The following GPC5 variants were observed in gnomAD, a reference collection of about 807,000 sequenced individuals.
The protein encoded by GPC5 is glypican-5.
Under a neutral mutation model 53.9 loss-of-function variants are expected in GPC5, and 47 were observed. The observed-to-expected ratio is 0.87, with a 90% CI of 0.69 to 1.11. GPC5 has a LOEUF of 1.11. Among genes scored for constraint, GPC5 ranks in the 50% most tolerant of loss-of-function variants. The pLI is 0.00. For missense variants in GPC5, 748 were observed against 713.1 expected (o/e 1.05, Z -0.56); for synonymous variants, 286 against 263.3 (o/e 1.09, Z -0.84).
intron 7 of GPC5, among the ~76,000 whole-genome samples, chr13:92,401,492 A>G (rs12877337): frequency 0.32 from 49,021 of 151,960 alleles, 8,256 homozygotes; most frequent in Non-Finnish European, 0.36. Flanking sequence ...TAATTATTTC[A>G]TGGATAACAA....
intron 6 of GPC5, among the ~76,000 whole-genome samples, chr13:92,126,330 A>G (rs774678997): frequency 3.9e-5 from 6 of 152,194 alleles, no homozygotes; most frequent in Non-Finnish European, 7.3e-5. Context: ...CAACTGGAAA[A>G]TTTCTATCAA....
At chr13:92,699,560 C>T (rs1887662930) in intron 7 of GPC5, among the ~76,000 whole-genome samples, 1 of 152,088 alleles carries the variant, frequency 6.6e-6, no homozygotes, top group East Asian at 1.9e-4. Context: ...CTCTTGTGGG[C>T]ATTTAGTACT....
chr13:91,417,309 T>G (rs2138968839), intron 1 of GPC5, among the ~76,000 whole-genome samples: 1 of 152,174 alleles, frequency 6.6e-6, no homozygotes, highest in African/African-American at 2.4e-5. Context: ...AGAAAAAGAT[T>G]TAGAGATCAT....
intron 6 of GPC5, among the ~76,000 whole-genome samples, chr13:92,029,530 C>T (rs1354916717): frequency 6.6e-6 from 1 of 152,204 alleles, no homozygotes; most frequent in Non-Finnish European, 1.5e-5. Flanking sequence ...ATCTGAACCA[C>T]TTTCTGGGCT....
intron 6 of GPC5, among the ~76,000 whole-genome samples, chr13:92,051,659 T>A (rs1438487932): frequency 6.6e-6 from 1 of 152,196 alleles, no homozygotes; most frequent in African/African-American, 2.4e-5. Flanking sequence ...CTTCAGCTGT[T>A]TAGGCTGATA....
chr13:92,800,577 T>A, intron 7 of GPC5, among the ~76,000 whole-genome samples: 1 of 151,892 alleles, frequency 6.6e-6, no homozygotes, highest in East Asian at 1.9e-4. Flanking sequence ...TTCCAGGATC[T>A]TGCTCCTGCT....
At chr13:92,202,308 T>C (rs2042300921) in intron 7 of GPC5, among the ~76,000 whole-genome samples, 1 of 152,208 alleles carries the variant, frequency 6.6e-6, no homozygotes, top group African/African-American at 2.4e-5. Context: ...CAGAACAGGC[T>C]ATGTTTTGTG....
chr13:92,247,153 A>T (rs927680886), intron 7 of GPC5, among the ~76,000 whole-genome samples: 77 of 152,112 alleles, frequency 5.1e-4, no homozygotes, highest in African/African-American at 1.8e-3. Flanking sequence ...CTAAAATCTA[A>T]TAATTCTGAA....
At chr13:91,478,847 A>ATT (rs1475558163) in intron 2 of GPC5, among the ~76,000 whole-genome samples, 5 of 110,948 alleles carry the variant, frequency 4.5e-5, no homozygotes, top group African/African-American at 1.0e-4. Context: ...ATATATACAC[A>ATT]TTATATATAT....
chr13:91,940,199 T>C (rs2039912166), intron 6 of GPC5, among the ~76,000 whole-genome samples: 1 of 152,106 alleles, frequency 6.6e-6, no homozygotes, highest in South Asian at 2.1e-4. Context: ...TTTATGTCTG[T>C]GAGTACCAAT....
intron 7 of GPC5, among the ~76,000 whole-genome samples, chr13:92,403,904 A>G (rs975990884): frequency 2.4e-4 from 37 of 152,210 alleles, no homozygotes; most frequent in Non-Finnish European, 4.3e-4. Flanking sequence ...AAATACATAT[A>G]TTAGCAACTT....
intron 2 of GPC5, among the ~76,000 whole-genome samples, chr13:91,483,183 G>A (rs9515931): frequency 0.092 from 13,973 of 152,100 alleles, 800 homozygotes; most frequent in African/African-American, 0.16. Flanking sequence ...CTTTAGGAAG[G>A]CATCATAGTA....
At chr13:91,887,600 C>G (rs542087093) in intron 5 of GPC5, among the ~76,000 whole-genome samples, 1 of 152,298 alleles carries the variant, frequency 6.6e-6, no homozygotes, top group East Asian at 1.9e-4. Flanking sequence ...CACTTTGCCA[C>G]TTAGAAATTT....
intron 5 of GPC5, among the ~76,000 whole-genome samples, chr13:91,775,380 T>A (rs1233551710): frequency 6.6e-6 from 1 of 152,142 alleles, no homozygotes; most frequent in Non-Finnish European, 1.5e-5. Flanking sequence ...CCCCTCTGGG[T>A]TTTTATAACA....
At chr13:92,330,302 T>C (rs2043280064) in intron 7 of GPC5, among the ~76,000 whole-genome samples, 1 of 152,134 alleles carries the variant, frequency 6.6e-6, no homozygotes, top group African/African-American at 2.4e-5. Context: ...TTAGTTGTCC[T>C]CCAAAGTCCC....
At chr13:92,648,323 G>T (rs1249151604) in intron 7 of GPC5, among the ~76,000 whole-genome samples, 1 of 152,004 alleles carries the variant, frequency 6.6e-6, no homozygotes, top group African/African-American at 2.4e-5. Context: ...TCTTTGCAAT[G>T]CATCTATTCT....
chr13:92,352,099 ACAGT>A (rs903565685), intron 7 of GPC5, among the ~76,000 whole-genome samples: 6 of 152,202 alleles, frequency 3.9e-5, no homozygotes, highest in Non-Finnish European at 5.9e-5. Context: ...AGGTGCAGAA[ACAGT>A]CAGAATGCTG....
At chr13:92,053,216 G>A (rs955643515) in intron 6 of GPC5, among the ~76,000 whole-genome samples, 26 of 152,188 alleles carry the variant, frequency 1.7e-4, no homozygotes, top group African/African-American at 5.8e-4. Context: ...AGGAATGGTG[G>A]AAGAGGGAAC....
intron 7 of GPC5, among the ~76,000 whole-genome samples, chr13:92,209,554 T>C (rs757791084): frequency 1.3e-5 from 2 of 152,184 alleles, no homozygotes; most frequent in Non-Finnish European, 2.9e-5. Flanking sequence ...GAAGGCCTAA[T>C]GACTGCTGTT....
Sources: allele counts gnomAD v4.1 joint callset (sites outside exome capture counted in the v4.1 genomes callset), GRCh38; gene constraint gnomAD v4.1.1; transcripts MANE v1.5; gene names NCBI Gene and HGNC (gene_info 2026-07-23, HGNC 2026-07-21).